SNTB1: variants seen among roughly 807,000 people sequenced by gnomAD.
The protein encoded by SNTB1 is syntrophin beta 1, also known as beta-1-syntrophin.
In SNTB1, 36 loss-of-function variants were observed where a neutral mutation model predicts 48.9. That is an observed-to-expected ratio of 0.74 (90% confidence interval 0.56 to 0.97). The LOEUF (loss-of-function observed/expected upper bound fraction) is 0.97, where lower values mean the gene tolerates loss of function less well. SNTB1 is among the 50% of genes least tolerant of loss of function. The pLI is 0.00. For synonymous variants in SNTB1, 299 were observed against 294.6 expected (o/e 1.01, Z -0.15); for missense variants, 786 against 703.4 (o/e 1.12, Z -1.33).
chr8:120,543,797 C>T (rs957600633), intron 5 of SNTB1, among the ~76,000 whole-genome samples: 10 of 152,096 alleles, frequency 6.6e-5, no homozygotes, highest in African/African-American at 2.4e-5. Flanking sequence ...AGATATCTTT[C>T]GACTTGTAAC....
chr8:120,736,170 C>T (rs191080332), intron 1 of SNTB1, among the ~76,000 whole-genome samples: 2 of 152,256 alleles, frequency 1.3e-5, no homozygotes, highest in Admixed American at 6.5e-5. Context: ...CTTATGAGAA[C>T]TCACTATCAT....
intron 1 of SNTB1, among the ~76,000 whole-genome samples, chr8:120,809,690 C>T (rs1165372811): frequency 1.3e-5 from 2 of 151,942 alleles, no homozygotes; most frequent in Middle Eastern, 3.4e-3. Context: ...CCAAATAACA[C>T]TTGCCCCAGA....
intron 5 of SNTB1, among the ~76,000 whole-genome samples, chr8:120,544,757 G>C (rs934992188): frequency 6.6e-6 from 1 of 150,578 alleles, no homozygotes; most frequent in African/African-American, 2.5e-5. Context: ...GTATTCAGGT[G>C]GCTCAAGCTT....
chr8:120,598,906 C>T (rs966884214), intron 3 of SNTB1, among the ~76,000 whole-genome samples: 13 of 152,194 alleles, frequency 8.5e-5, no homozygotes, highest in African/African-American at 3.1e-4. Context: ...TGTGAAGTCT[C>T]CCTTGGCCTC....
intron 1 of SNTB1, among the ~76,000 whole-genome samples, chr8:120,734,952 C>T (rs902553866): frequency 6.6e-6 from 1 of 152,080 alleles, no homozygotes; most frequent in Non-Finnish European, 1.5e-5. Context: ...CAAACCAGCC[C>T]ATAAAAGAAC....
At chr8:120,711,850 T>C (rs968641538) in intron 1 of SNTB1, among the ~76,000 whole-genome samples, 4 of 152,176 alleles carry the variant, frequency 2.6e-5, no homozygotes, top group Admixed American at 1.3e-4. Flanking sequence ...ATATTGTTTG[T>C]CAATATAAAA....
chr8:120,639,624 A>AT (rs1244552596), intron 2 of SNTB1, among the ~76,000 whole-genome samples: 3 of 152,200 alleles, frequency 2.0e-5, no homozygotes, highest in African/African-American at 7.2e-5. Context: ...AGCACCATTT[A>AT]TTAAATAGGG....
intron 1 of SNTB1, 39 bp from the exon 2 acceptor site, chr8:120,693,947 C>T (rs376501553): frequency 2.7e-6 from 4 of 1,494,412 alleles, no homozygotes; most frequent in African/African-American, 2.8e-5. Context: ...TAATACATCA[C>T]GGCTGAATTT....
chr8:120,796,163 G>A (rs2130166542), intron 1 of SNTB1, among the ~76,000 whole-genome samples: 1 of 152,024 alleles, frequency 6.6e-6, no homozygotes, highest in South Asian at 2.1e-4. Flanking sequence ...TCTCTCTCCT[G>A]CCACCGTGGT....
At chr8:120,675,617 T>A (rs1817821349) in intron 2 of SNTB1, among the ~76,000 whole-genome samples, 1 of 152,198 alleles carries the variant, frequency 6.6e-6, no homozygotes, top group Non-Finnish European at 1.5e-5. Context: ...TCCAGTCATA[T>A]TTCATTAGCC....
chr8:120,563,842 G>T (rs193259078), intron 4 of SNTB1, among the ~76,000 whole-genome samples: 56 of 152,248 alleles, frequency 3.7e-4, no homozygotes, highest in South Asian at 2.1e-4. Context: ...GGGCATGGTG[G>T]CTCACGTCTG....
chr8:120,542,943 A>G (rs1815316496), intron 5 of SNTB1, among the ~76,000 whole-genome samples: 1 of 152,132 alleles, frequency 6.6e-6, no homozygotes, highest in Non-Finnish European at 1.5e-5. Flanking sequence ...GCTGTTGCTG[A>G]CAGACCTCAG....
chr8:120,680,161 A>C (rs1432788645), intron 2 of SNTB1, among the ~76,000 whole-genome samples: 1 of 152,196 alleles, frequency 6.6e-6, no homozygotes, highest in Non-Finnish European at 1.5e-5. Context: ...CTTTGGATGC[A>C]GTGTCCTTCC....
intron 2 of SNTB1, among the ~76,000 whole-genome samples, chr8:120,647,758 CA>C (rs1372693159): frequency 1.6e-4 from 10 of 62,268 alleles, no homozygotes; most frequent in African/African-American, 6.9e-4. Flanking sequence ...CTAATGTTGA[CA>C]GTGGGGTGTT....
At chr8:120,690,676 C>T (rs1463864334) in intron 2 of SNTB1, among the ~76,000 whole-genome samples, 2 of 152,196 alleles carry the variant, frequency 1.3e-5, no homozygotes, top group Non-Finnish European at 2.9e-5. Context: ...ATCCTTGTAT[C>T]TTTCACCTTT....
intron 1 of SNTB1, among the ~76,000 whole-genome samples, chr8:120,768,012 C>T: frequency 6.6e-6 from 1 of 152,174 alleles, no homozygotes. Context: ...CAATATCTTT[C>T]TGTGGCTCAG....
intron 1 of SNTB1, among the ~76,000 whole-genome samples, chr8:120,798,633 C>T (rs1256392840): frequency 1.3e-5 from 2 of 152,004 alleles, no homozygotes; most frequent in African/African-American, 4.8e-5. Flanking sequence ...AATCAGCAAT[C>T]GGCTGGATTT....
chr8:120,598,749 C>T (rs1364868681), intron 3 of SNTB1, among the ~76,000 whole-genome samples: 1 of 152,178 alleles, frequency 6.6e-6, no homozygotes, highest in African/African-American at 2.4e-5. Flanking sequence ...CAGGGCTGCC[C>T]TCCCTCCTGA....
chr8:120,747,052 C>T (rs987919547), intron 1 of SNTB1, among the ~76,000 whole-genome samples: 5 of 150,228 alleles, frequency 3.3e-5, no homozygotes, highest in African/African-American at 1.2e-4. Context: ...GAAAAATGTC[C>T]ATGGTGTATT....
Sources: gnomAD v4.1 joint callset for allele counts (sites outside exome capture counted in the v4.1 genomes callset) on GRCh38, gnomAD v4.1.1 for gene constraint, MANE v1.5 for transcripts, NCBI Gene and HGNC (gene_info 2026-07-23, HGNC 2026-07-21) for gene names.